SLC25A40: variants seen among roughly 807,000 people sequenced by gnomAD.
SLC25A40 encodes the protein mitochondrial glutathione transporter SLC25A40.
In SLC25A40, 41 loss-of-function variants were observed where a neutral mutation model predicts 46.5. The ratio of observed to expected loss-of-function variants is 0.88; its 90% CI spans 0.69 to 1.14. The LOEUF (loss-of-function observed/expected upper bound fraction) is 1.14. Ranked by LOEUF, SLC25A40 falls within the 50% of genes most tolerant of loss-of-function variation. The pLI is 0.00. For missense variants in SLC25A40, 386 were observed against 393.6 expected (o/e 0.98, Z 0.16); for synonymous variants, 126 against 127.5 (o/e 0.99, Z 0.08).
chr7:87,874,270 G>A (rs1584343228), intron 1 of SLC25A40, among the ~76,000 whole-genome samples: 1 of 152,064 alleles, frequency 6.6e-6, no homozygotes, highest in South Asian at 2.1e-4. Flanking sequence ...CCTCTTCACG[G>A]CAAATAAGAC....
At chr7:87,864,770 T>C (rs1231592589) in intron 1 of SLC25A40, among the ~76,000 whole-genome samples, 4 of 152,202 alleles carry the variant, frequency 2.6e-5, no homozygotes, top group Non-Finnish European at 5.9e-5. Context: ...ATTTAGCCAT[T>C]CTGTGTCTTT....
rs570437831 is a variant in SLC25A40 at position 87,843,826 on chromosome 7, C to A, written c.669G>T (p.Trp223Cys). The A allele has an allele frequency of 6.2e-7, 1 of 1,610,222 alleles. No homozygotes were observed. The highest frequency in any genetic ancestry group is 8.5e-7 in the Non-Finnish European group (1 of 1,177,504). ...YWYNYEILKK[W>C]LCEKSGLYEP... is the part of the protein sequence containing the mutation. ...CATATAAACCAGATTTCTCACATAA[C>A]CACTTCTTTAAAATTTCATAGTTAT... Residue 223 changes from tryptophan to cysteine, a missense_variant, in exon 9 of 12, where the codon TGG becomes TGT. Coordinates refer to ENST00000341119, the MANE Select transcript of SLC25A40 (RefSeq NM_018843.4).
At chr7:87,867,340 A>C (rs1838820089) in intron 1 of SLC25A40, among the ~76,000 whole-genome samples, 1 of 152,100 alleles carries the variant, frequency 6.6e-6, no homozygotes, top group South Asian at 2.1e-4. Flanking sequence ...CCTGTCCTTT[A>C]GCTCACTGAT....
chr7:87,870,904 A>G (rs1270558145), intron 1 of SLC25A40, among the ~76,000 whole-genome samples: 4 of 152,150 alleles, frequency 2.6e-5, no homozygotes, highest in Non-Finnish European at 5.9e-5. Context: ...GGTGCCACAC[A>G]TGAACGTGTA....
intron 11 of SLC25A40, 123 bp downstream of exon 11, chr7:87,836,607 G>T (rs925870101): frequency 7.1e-6 from 4 of 563,172 alleles, no homozygotes; most frequent in Non-Finnish European, 8.8e-6. Context: ...TTATAATAAA[G>T]ATATTTAGGA....
At chr7:87,849,592 C>G (rs1393878974) in intron 6 of SLC25A40, among the ~76,000 whole-genome samples, 1 of 152,198 alleles carries the variant, frequency 6.6e-6, no homozygotes, top group African/African-American at 2.4e-5. Flanking sequence ...TAAGGGAGGA[C>G]TTTGGAAGCC....
intron 6 of SLC25A40, 49 bp from the exon 7 acceptor site, chr7:87,848,026 CAT>C (rs757875561): frequency 1.8e-5 from 28 of 1,565,850 alleles, no homozygotes; most frequent in African/African-American, 1.2e-4. Context: ...AAAGATCCCA[CAT>C]AGTCTTAACT....
chr7:87,854,946 T>C (rs1838584587), intron 4 of SLC25A40, among the ~76,000 whole-genome samples: 1 of 151,986 alleles, frequency 6.6e-6, no homozygotes, highest in Admixed American at 6.6e-5. Flanking sequence ...GGGGACCACT[T>C]GAGGCCAGTT....
chr7:87,836,279 C>G lies in SLC25A40; in HGVS notation c.987G>C (p.Gln329His). 1.3e-6 allele frequency: 2 copies of G among 1,584,278 alleles called. No individual in the cohort carries two copies. Among genetic ancestry groups the G allele is most frequent in the South Asian group, 1.2e-5 (1 of 85,678 alleles). ...ATTGCTGCCTTCGAACATTTTGTTT[C>G]TGGAAAAAAGCCTTTCCAAATTCAT... is the stretch of plus-strand genomic sequence containing the variant. ...STYEFGKAFFQKQNVRRQQY is the reference protein window; with the variant it reads ...STYEFGKAFFHKQNVRRQQY The change falls in exon 12 of 12, where the codon CAG becomes CAC. Residue 329 changes from glutamine (Q) to histidine (H), a missense_variant. Physicochemically the swap from Gln to His is conservative, Grantham distance 24 (BLOSUM62 0). Transcript: ENST00000341119.
chr7:87,848,630 T>A (rs556981179), intron 6 of SLC25A40, among the ~76,000 whole-genome samples: 1 of 152,210 alleles, frequency 6.6e-6, no homozygotes, highest in Non-Finnish European at 1.5e-5. Flanking sequence ...ATAATTAACA[T>A]CATCAGAATT....
chr7:87,846,893 T>C (rs1320874676), intron 8 of SLC25A40, 56 bp downstream of exon 8: 3 of 1,414,964 alleles, frequency 2.1e-6, no homozygotes, highest in East Asian at 2.3e-5. Context: ...GACAGTAATA[T>C]TTGAATGAGA....
chr7:87,858,089 C>G (rs900216612), intron 3 of SLC25A40, among the ~76,000 whole-genome samples: 1 of 152,228 alleles, frequency 6.6e-6, no homozygotes, highest in East Asian at 1.9e-4. Context: ...CTCAGGCTTA[C>G]TAGGATTGGG....
chr7:87,871,447 G>C (rs552419712), intron 1 of SLC25A40, among the ~76,000 whole-genome samples: 3 of 152,324 alleles, frequency 2.0e-5, no homozygotes, highest in South Asian at 4.1e-4. Flanking sequence ...GCACTGTCCT[G>C]AGAGATCCTG....
At chr7:87,842,748 T>G (rs1236235910) in intron 9 of SLC25A40, among the ~76,000 whole-genome samples, 2 of 152,072 alleles carry the variant, frequency 1.3e-5, no homozygotes, top group Non-Finnish European at 2.9e-5. Context: ...AAACCTTTAT[T>G]TGAAAGCTGT....
At chr7:87,856,189 C>T (rs910045144) in intron 4 of SLC25A40, 103 bp downstream of exon 4, 2 of 1,001,106 alleles carry the variant, frequency 2.0e-6, no homozygotes, top group Admixed American at 2.3e-5. Flanking sequence ...GATAAAGAGG[C>T]ATCAATTTTA....
chr7:87,859,359 G>A (rs2040634), intron 2 of SLC25A40, among the ~76,000 whole-genome samples: 10,356 of 151,882 alleles, frequency 0.068, 548 homozygotes, highest in Non-Finnish European at 0.1. Context: ...GGAGAATGGC[G>A]TGAACCCAGG....
Position 87,834,423 on chromosome 7 carries a change from T to A in SLC25A40, c.*1826A>T, listed in dbSNP as rs1201069137. 1 of 151,724 alleles carries A rather than the reference T, an allele frequency of 6.6e-6. No homozygotes were observed. The highest frequency in any genetic ancestry group is 1.5e-5 in the Non-Finnish European group (1 of 67,766). 9.4% of individuals were successfully genotyped at this position (151,724 alleles called of 1,614,324 possible). ...AATATTTCTTTTTACCTCTTAAATA[T>A]AAAGAAAGCTTCAATTCAGCCTTCT... On this transcript the variant is annotated 3_prime_UTR_variant, in exon 12 of 12. Transcript: ENST00000341119.
chr7:87,864,293 T>G (rs1374095303), intron 1 of SLC25A40, among the ~76,000 whole-genome samples: 2 of 152,246 alleles, frequency 1.3e-5, no homozygotes, highest in African/African-American at 2.4e-5. Context: ...ATTTATAAAG[T>G]CAAATCAGTG....
intron 4 of SLC25A40, 47 bp downstream of exon 4, chr7:87,856,245 C>A (rs1584331448): frequency 1.0e-5 from 14 of 1,379,974 alleles, no homozygotes; most frequent in South Asian, 2.7e-5. Flanking sequence ...ACCACAGGAA[C>A]ATTTAAAAAT....
Sources: allele counts gnomAD v4.1 joint callset (sites outside exome capture counted in the v4.1 genomes callset), GRCh38; gene constraint gnomAD v4.1.1; transcripts MANE v1.5; gene names NCBI Gene and HGNC (gene_info 2026-07-23, HGNC 2026-07-21).